The following PCSK9 variants were observed in gnomAD, a reference collection of about 807,000 sequenced individuals.
The protein encoded by PCSK9 is convertase subtilisin/kexin type 9 preproprotein.
In PCSK9, 57 loss-of-function variants were observed where a neutral mutation model predicts 62.1. The ratio of observed to expected loss-of-function variants is 0.92; its 90% CI spans 0.74 to 1.14. The LOEUF is 1.14. PCSK9 is among the 50% of genes most tolerant of loss of function. PCSK9 has a pLI of 0.00. For missense variants in PCSK9, 870 were observed against 959.8 expected (o/e 0.91, Z 1.24); for synonymous variants, 387 against 409.4 (o/e 0.95, Z 0.66).
intron 1 of PCSK9, among the ~76,000 whole-genome samples, chr1:55,042,291 T>C (rs1644602931): frequency 6.6e-6 from 1 of 152,216 alleles, no homozygotes; most frequent in Non-Finnish European, 1.5e-5. Flanking sequence ...CCGTCTGAAA[T>C]GTAAAATGTT....
intron 1 of PCSK9, among the ~76,000 whole-genome samples, chr1:55,043,481 A>G (rs2100264978): frequency 6.6e-6 from 1 of 152,022 alleles, no homozygotes; most frequent in South Asian, 2.1e-4. Flanking sequence ...TTTTTCCCTC[A>G]ATTTATTCTG....
chr1:55,050,802 C>A, intron 3 of PCSK9: 1 of 280,124 alleles, frequency 3.6e-6, no homozygotes, highest in South Asian at 3.0e-5. Flanking sequence ...GTGGCCCCCA[C>A]AGATACACAC....
rs1440596151 is a variant in PCSK9, at chr1:55,052,273, G to A, written c.524-5G>A. 1.2e-6 allele frequency: 2 copies of A among 1,614,002 alleles called. No individual in the cohort carries two copies. The highest frequency in any genetic ancestry group is 1.3e-5 in the African/African-American group (1 of 75,042). ...CTCCTCTCCCACAAATGTCGCCTTGGAAAGACGGAGGCAGCCTGGTGGAGG... is the reference window on the plus strand; with the variant it reads ...CTCCTCTCCCACAAATGTCGCCTTGAAAAGACGGAGGCAGCCTGGTGGAGG... On this transcript the variant is annotated splice_region_variant and splice_polypyrimidine_tract_variant and intron_variant, in intron 3 of 11. Coordinates refer to ENST00000302118, the MANE Select transcript of PCSK9 (RefSeq NM_174936.4).
Position 55,052,754 on chromosome 1 carries a change from C to T in PCSK9, c.762C>T (p.Asn254=), listed in dbSNP as rs915006256. ...GASMRSLRVL[N]CQGKGTVSGT... is the part of the protein sequence containing the mutation. The stretch of plus-strand genomic sequence containing the variant: ...GCATGCGCAGCCTGCGCGTGCTCAA[C>T]TGCCAAGGGAAGGGCACGGTTAGCG... The change falls in exon 5 of 12, where the codon AAC becomes AAT. Residue 254 remains asparagine, a synonymous_variant. Transcript: ENST00000302118. The T allele has an allele frequency of 6.2e-7, 1 of 1,613,244 alleles. No individual in the cohort carries two copies. The highest frequency in any genetic ancestry group is 8.5e-7 in the Non-Finnish European group (1 of 1,180,008).
At chr1:55,056,968 A>C (rs993957614) in intron 6 of PCSK9, among the ~76,000 whole-genome samples, 1 of 152,178 alleles carries the variant, frequency 6.6e-6, no homozygotes, top group African/African-American at 2.4e-5. Context: ...CTGGCGGCCG[A>C]ATTTAAAGGC....
chr1:55,039,624 G>T lies in PCSK9; in HGVS notation c.-214G>T. 1.6e-6 allele frequency: 1 copy of T among 625,128 alleles called. No individual in the cohort carries two copies. The highest frequency in any genetic ancestry group is 2.8e-6 in the Non-Finnish European group (1 of 358,962). 38.7% of individuals were successfully genotyped at this position (625,128 alleles called of 1,614,324 possible). Reference sequence around the variant, plus strand: ...GGTCTGAGCCTGGAGGAGTGAGCCAGGCAGTGAGACTGGCTCGGGCGGGCC... The same window carrying T: ...GGTCTGAGCCTGGAGGAGTGAGCCATGCAGTGAGACTGGCTCGGGCGGGCC... On this transcript the variant is annotated 5_prime_UTR_variant, in exon 1 of 12. The change creates a new upstream start codon in the 5' untranslated region. Transcript: ENST00000302118.
chr1:55,041,292 C>G (rs1644596705), intron 1 of PCSK9, among the ~76,000 whole-genome samples: 1 of 152,216 alleles, frequency 6.6e-6, no homozygotes. Context: ...ACGCTTCTGT[C>G]TGAGTGTGCT....
intron 3 of PCSK9, 52 bp downstream of exon 3, chr1:55,046,698 G>A: frequency 6.2e-7 from 1 of 1,608,008 alleles, no homozygotes; most frequent in Non-Finnish European, 8.5e-7. Context: ...GAATCCATTT[G>A]CTCTGCCCTG....
chr1:55,050,488 G>A (rs914925106), intron 3 of PCSK9, among the ~76,000 whole-genome samples: 3 of 152,218 alleles, frequency 2.0e-5, no homozygotes, highest in African/African-American at 7.2e-5. Context: ...CACACTCAGA[G>A]AGCAAGGACT....
intron 5 of PCSK9, among the ~76,000 whole-genome samples, chr1:55,054,412 G>A (rs1324835766): frequency 6.6e-6 from 1 of 152,180 alleles, no homozygotes; most frequent in Non-Finnish European, 1.5e-5. Flanking sequence ...ACTAGCAGCT[G>A]TAAATGTGGC....
In PCSK9 at chr1:55,039,581, C is replaced by T. The variant is rs998839146; in HGVS notation, c.-257C>T. 1.9e-5 allele frequency: 11 copies of T among 576,674 alleles called. No individual in the cohort carries two copies. Among genetic ancestry groups the T allele is most frequent in the Non-Finnish European group, 3.4e-5 (11 of 325,104 alleles). 35.7% of individuals were successfully genotyped at this position (576,674 alleles called of 1,614,324 possible). The stretch of plus-strand genomic sequence containing the variant: ...CGAGGCGCTCATGGTTGCAGGCGGG[C>T]GCCGCCGTTCAGTTCAGGGTCTGAG... On this transcript the variant is annotated 5_prime_UTR_variant, in exon 1 of 12. Coordinates refer to ENST00000302118, the MANE Select transcript of PCSK9 (RefSeq NM_174936.4).
chr1:55,063,621 A>G lies in PCSK9; in HGVS notation c.*37A>G, dbSNP rs1015416657. 3 of 1,597,114 alleles carry G rather than the reference A, an allele frequency of 1.9e-6. No individual in the cohort carries two copies. The highest frequency in any genetic ancestry group is 2.6e-6 in the Non-Finnish European group (3 of 1,172,042). ...CAGGATGGGTGTCTGGGGAGGGTCA[A>G]GGGCTGGGGCTGAGCTTTAAAATGG... On this transcript the variant is annotated 3_prime_UTR_variant, in exon 12 of 12. Coordinates refer to ENST00000302118, the MANE Select transcript of PCSK9 (RefSeq NM_174936.4).
Position 55,052,517 on chromosome 1 carries a change from A to AC in PCSK9, c.657+114dup, listed in dbSNP as rs397735050. The AC allele has an allele frequency of 6.7e-3, 10,679 of 1,595,650 alleles. 57 individuals carry two copies. Among genetic ancestry groups the AC allele is most frequent in the South Asian group, 0.018 (1,648 of 90,042 alleles). ...CGTTGCAGCTGTACTCCTGGGTTGCACCCCCCCCAGCTGTCACTGTCCCCT... is the reference window on the plus strand; with the variant it reads ...CGTTGCAGCTGTACTCCTGGGTTGCACCCCCCCCCAGCTGTCACTGTCCCCT... On this transcript the variant is annotated intron_variant, in intron 4 of 11. Transcript: ENST00000302118.
At chr1:55,041,578 T>G (rs1245057075) in intron 1 of PCSK9, among the ~76,000 whole-genome samples, 1 of 152,214 alleles carries the variant, frequency 6.6e-6, no homozygotes, top group Non-Finnish European at 1.5e-5. Flanking sequence ...GTTCATTTAT[T>G]CATTCATTCA....
At chr1:55,043,739 T>G in intron 1 of PCSK9, 104 bp from the exon 2 acceptor site, 1 of 1,349,082 alleles carries the variant, frequency 7.4e-7, no homozygotes, top group Non-Finnish European at 1.0e-6. Flanking sequence ...CTATACTCTG[T>G]TGTGTCTCTT....
chr1:55,054,306 C>T (rs1157002755), intron 5 of PCSK9, among the ~76,000 whole-genome samples: 2 of 152,160 alleles, frequency 1.3e-5, no homozygotes, highest in African/African-American at 4.8e-5. Flanking sequence ...TCGCTTGAAC[C>T]CAGGAGGTGG....
Position 55,057,353 on chromosome 1 carries a change from A to G in PCSK9, c.1019A>G (p.Asn340Ser), listed in dbSNP as rs745314022. The G allele has an allele frequency of 3.1e-6, 5 of 1,613,958 alleles. No individual in the cohort carries two copies. Among genetic ancestry groups the G allele is most frequent in the East Asian group, 2.2e-5 (1 of 44,874 alleles). Residue 340 changes from asparagine (N) to serine (S), a missense_variant, in exon 7 of 12, where the codon AAT (asparagine) becomes AGT (serine). By Grantham distance (46) the Asn-to-Ser change is conservative. Coordinates refer to ENST00000302118, the MANE Select transcript of PCSK9 (RefSeq NM_174936.4). ...CAGGTCATCACAGTTGGGGCCACCA[A>G]TGCCCAAGACCAGCCGGTGACCCTG... is the stretch of plus-strand genomic sequence containing the variant. ...APEVITVGAT[N>S]AQDQPVTLGT...
chr1:55,043,828 C>T lies in PCSK9; in HGVS notation c.208-15C>T. On this transcript the variant is annotated splice_polypyrimidine_tract_variant and intron_variant, in intron 1 of 11. Coordinates refer to ENST00000302118, the MANE Select transcript of PCSK9 (RefSeq NM_174936.4). ...TTTCTTCCATGTCATCATGTTCCTC[C>T]TTGCATGGGGCCAGGATCCGTGGAG... is the stretch of plus-strand genomic sequence containing the variant. The T allele has an allele frequency of 6.2e-7, 1 of 1,613,760 alleles. No homozygotes were observed. The highest frequency in any genetic ancestry group is 8.5e-7 in the Non-Finnish European group (1 of 1,180,008).
At position 55,063,816 on chromosome 1, in the gene PCSK9, C is replaced by T. The variant is rs145330737; in HGVS notation, c.*232C>T. Reference sequence around the variant, plus strand: ...GTGGAGGTGCCAGGAAGCTCCCTCCCTCACTGTGGGGCATTTCACCATTCA... The same window carrying T: ...GTGGAGGTGCCAGGAAGCTCCCTCCTTCACTGTGGGGCATTTCACCATTCA... On this transcript the variant is annotated 3_prime_UTR_variant, in exon 12 of 12. Transcript: ENST00000302118. 1,162 of 591,354 alleles carry T rather than the reference C, an allele frequency of 2.0e-3. 19 individuals carry two copies. The East Asian group carries it at 0.031, about 16-fold the overall frequency. The allele number at this position is 591,354 out of a possible 1,614,324, so 36.6% of individuals were successfully genotyped here.
Sources: gnomAD v4.1 joint callset for allele counts (sites outside exome capture counted in the v4.1 genomes callset) on GRCh38, gnomAD v4.1.1 for gene constraint, MANE v1.5 for transcripts, NCBI Gene and HGNC (gene_info 2026-07-23, HGNC 2026-07-21) for gene names.